EPB41L4B: variants seen among roughly 807,000 people sequenced by gnomAD.
EPB41L4B encodes band 4.1-like protein 4B.
EPB41L4B carries 30 observed loss-of-function variants against 112.5 expected under a neutral mutation model. The observed-to-expected ratio is 0.27, with a 90% confidence interval of 0.20 to 0.36. EPB41L4B has a LOEUF of 0.36. Among genes scored for constraint, EPB41L4B ranks in the 10% least tolerant of loss-of-function variants. EPB41L4B has a pLI of 1.00. For synonymous variants in EPB41L4B, 408 were observed against 439.7 expected, an observed-to-expected ratio of 0.93 and a Z score of 0.90; for missense variants, 1,024 against 1,133.3, an observed-to-expected ratio of 0.90 and a Z score of 1.38.
chr9:109,209,167 G>A (rs1464657440), intron 17 of EPB41L4B, among the ~76,000 whole-genome samples: 1 of 152,146 alleles, frequency 6.6e-6, no homozygotes, highest in Non-Finnish European at 1.5e-5. Flanking sequence ...TAAGTGCTAT[G>A]AAAGCTAGAG....
At chr9:109,290,026 G>A (rs761578990) in intron 1 of EPB41L4B, among the ~76,000 whole-genome samples, 6 of 152,122 alleles carry the variant, frequency 3.9e-5, no homozygotes, top group South Asian at 4.1e-4. Flanking sequence ...TCTGTTCTTC[G>A]ACAGTACCTA....
intron 19 of EPB41L4B, among the ~76,000 whole-genome samples, chr9:109,201,813 A>G (rs1030224775): frequency 2.0e-5 from 3 of 152,146 alleles, no homozygotes; most frequent in Non-Finnish European, 2.9e-5. Context: ...GCCGGGTCAT[A>G]TGGGGCCTCA....
At chr9:109,256,088 C>T in intron 9 of EPB41L4B, 48 bp downstream of exon 9, 2 of 1,533,804 alleles carry the variant, frequency 1.3e-6, no homozygotes, top group South Asian at 1.1e-5. Context: ...TAGAATTCCA[C>T]CACAAAATAG....
In EPB41L4B at chr9:109,216,818, T is replaced by C. The variant is rs1004793073; in HGVS notation, c.1633+104A>G. ...GTAGCCCAGCATAACATGACAACCA[T>C]TGTGTGCTGCACCGCAAGGGTCTGT... On this transcript the variant is annotated intron_variant, in intron 16 of 25. Coordinates refer to ENST00000374566, the MANE Select transcript of EPB41L4B (RefSeq NM_019114.5). The C allele has an allele frequency of 1.2e-5, 14 of 1,141,344 alleles. No individual in the cohort carries two copies. The African/African-American group carries it at 1.5e-4, about 12-fold the overall frequency. 70.7% of individuals were successfully genotyped at this position (1,141,344 alleles called of 1,614,324 possible). A position where few individuals can be genotyped will look rare whatever the true frequency, so the allele number is the denominator to read the frequency against.
intron 24 of EPB41L4B, among the ~76,000 whole-genome samples, chr9:109,179,726 C>T (rs187455012): frequency 6.6e-6 from 1 of 152,120 alleles, no homozygotes; most frequent in African/African-American, 2.4e-5. Context: ...CCATTTCTGA[C>T]CCTCTCTCTG....
chr9:109,281,245 G>C (rs1231791993), intron 1 of EPB41L4B, among the ~76,000 whole-genome samples: 4 of 150,800 alleles, frequency 2.7e-5, no homozygotes, highest in African/African-American at 9.8e-5. Context: ...ATAATAAAAA[G>C]ACAAGTATCC....
rs1375843277 is a variant in EPB41L4B, at chr9:109,271,091, G to A, written c.412-2658C>T. Among the ~76,000 whole-genome samples, 3 of 152,228 alleles carry A rather than the reference G, an allele frequency of 2.0e-5. No homozygotes were observed. The East Asian group carries it at 5.8e-4, about 29-fold the overall frequency. On this transcript the variant is annotated intron_variant, in intron 2 of 25. Coordinates refer to ENST00000374566, the MANE Select transcript of EPB41L4B (RefSeq NM_019114.5). ...ATCTCAAGCAATTTCAGGTTTTACA[G>A]GCTAGTCCAAGAGGTGAAATGGCCA...
intron 12 of EPB41L4B, among the ~76,000 whole-genome samples, chr9:109,252,683 G>A (rs375518451): frequency 7.2e-5 from 11 of 152,158 alleles, no homozygotes; most frequent in African/African-American, 2.4e-4. Flanking sequence ...TGTACAGAAG[G>A]GGCCAGGAGG....
chr9:109,253,047 C>T (rs1834853002), intron 12 of EPB41L4B, among the ~76,000 whole-genome samples: 1 of 152,148 alleles, frequency 6.6e-6, no homozygotes, highest in South Asian at 2.1e-4. Context: ...TGTACGTGGT[C>T]AGAATTCCAG....
At chr9:109,282,516 T>C (rs1046394236) in intron 1 of EPB41L4B, among the ~76,000 whole-genome samples, 1 of 152,150 alleles carries the variant, frequency 6.6e-6, no homozygotes, top group East Asian at 1.9e-4. Context: ...TTGCAACCCC[T>C]AATGGGTAGT....
At chr9:109,243,907 G>A (rs181632093) in intron 14 of EPB41L4B, among the ~76,000 whole-genome samples, 12 of 152,308 alleles carry the variant, frequency 7.9e-5, no homozygotes, top group Admixed American at 5.9e-4. Flanking sequence ...CTCCAGAGGC[G>A]GCTCCCTGTG....
chr9:109,241,293 C>A, intron 15 of EPB41L4B: 1 of 1,002,488 alleles, frequency 1.0e-6, no homozygotes, highest in Non-Finnish European at 1.2e-6. Flanking sequence ...TCAACTTCTA[C>A]GACAGGAATA....
intron 1 of EPB41L4B, among the ~76,000 whole-genome samples, chr9:109,301,916 C>A (rs1836984294): frequency 6.6e-6 from 1 of 152,106 alleles, no homozygotes; most frequent in Non-Finnish European, 1.5e-5. Context: ...AATAAATAAA[C>A]AAACAACTCC....
chr9:109,261,619 TA>T (rs796499013), intron 6 of EPB41L4B, among the ~76,000 whole-genome samples: 98 of 152,048 alleles, frequency 6.4e-4, no homozygotes, highest in African/African-American at 2.3e-3. Flanking sequence ...AAATACCAAG[TA>T]AAAAAAATTA....
chr9:109,194,449 C>A, intron 20 of EPB41L4B, 52 bp from the exon 21 acceptor site: 1 of 1,579,220 alleles, frequency 6.3e-7, no homozygotes, highest in Non-Finnish European at 8.6e-7. Context: ...AATAAACAGG[C>A]TGTGAGGAGT....
intron 15 of EPB41L4B, among the ~76,000 whole-genome samples, chr9:109,219,800 G>C (rs115966478): frequency 6.6e-6 from 1 of 151,702 alleles, no homozygotes; most frequent in Admixed American, 6.6e-5. Context: ...AAACCTTTTC[G>C]TGGGCCCCTG....
In EPB41L4B at chr9:109,200,348, G is replaced by A. The variant is rs1468280162; in HGVS notation, c.1947-14C>T. ...GGAATAGGACTTCTAGAGACACACC[G>A]AAAAACAGAACAATACCATCAAAAA... On this transcript the variant is annotated splice_polypyrimidine_tract_variant and intron_variant, in intron 19 of 25. Transcript: ENST00000374566. 1.0e-5 allele frequency: 16 copies of A among 1,601,544 alleles called. No individual in the cohort carries two copies. Among genetic ancestry groups the A allele is most frequent in the African/African-American group, 1.3e-5 (1 of 74,734 alleles).
chr9:109,286,348 G>A (rs1417466823), intron 1 of EPB41L4B, among the ~76,000 whole-genome samples: 1 of 152,110 alleles, frequency 6.6e-6, no homozygotes. Flanking sequence ...CAGACTGGTG[G>A]TGCTCTACCA....
chr9:109,298,894 T>C (rs980008399), intron 1 of EPB41L4B, among the ~76,000 whole-genome samples: 3 of 152,148 alleles, frequency 2.0e-5, no homozygotes, highest in Non-Finnish European at 2.9e-5. Context: ...AAGTACACCA[T>C]GTCCAAAGGT....
Sources: allele counts gnomAD v4.1 joint callset (sites outside exome capture counted in the v4.1 genomes callset), GRCh38; gene constraint gnomAD v4.1.1; transcripts MANE v1.5; gene names NCBI Gene and HGNC (gene_info 2026-07-23, HGNC 2026-07-21).